Variants in AK4 observed in about 807,000 individuals in gnomAD.
The protein encoded by AK4 is adenylate kinase 4, also known as adenylate kinase 4, mitochondrial.
Under a neutral mutation model 24.6 loss-of-function variants are expected in AK4, and 13 were observed. That is an observed-to-expected ratio of 0.53 (90% CI 0.34 to 0.84). The LOEUF is 0.84. Ranked by LOEUF, AK4 falls within the 40% of genes least tolerant of loss-of-function variation. The pLI is 0.01. For synonymous variants in AK4, 88 were observed against 107.0 expected, an observed-to-expected ratio of 0.82 and a Z score of 1.10; for missense variants, 192 against 288.2, an observed-to-expected ratio of 0.67 and a Z score of 2.42.
intron 1 of AK4, among the ~76,000 whole-genome samples, chr1:65,172,333 T>G (rs1363493078): frequency 6.6e-6 from 1 of 151,850 alleles, no homozygotes; most frequent in African/African-American, 2.4e-5. Flanking sequence ...GATTCTTGTC[T>G]CGAATATGTC....
At position 65,148,225 on chromosome 1, in the gene AK4, G is replaced by C; in HGVS notation, c.-183G>C. ...CTCAGTCCGCCTGCTACTCGGTCCC[G>C]GCGCTGGGCTGAGGGGAGGGGTTGT... On this transcript the variant is annotated 5_prime_UTR_variant, in exon 1 of 5. Transcript: ENST00000327299. 1 of 1,229,312 alleles carries C rather than the reference G, an allele frequency of 8.1e-7. No individual in the cohort carries two copies. The highest frequency in any genetic ancestry group is 1.1e-6 in the Non-Finnish European group (1 of 922,178). The allele number at this position is 1,229,312 out of a possible 1,614,324, so 76.2% of individuals were successfully genotyped here. A position where few individuals can be genotyped will look rare whatever the true frequency, so the allele number is the denominator to read the frequency against.
intron 1 of AK4, among the ~76,000 whole-genome samples, chr1:65,159,686 T>C (rs1010930350): frequency 2.0e-5 from 3 of 149,458 alleles, no homozygotes; most frequent in Non-Finnish European, 4.4e-5. Flanking sequence ...AGAAAAAAAG[T>C]TGGCCGGGCG....
At chr1:65,167,473 T>C (rs1236636958) in intron 1 of AK4, among the ~76,000 whole-genome samples, 2 of 151,146 alleles carry the variant, frequency 1.3e-5, no homozygotes, top group Non-Finnish European at 2.9e-5. Context: ...TTTTTTTTTT[T>C]ACACTTGTAT....
intron 1 of AK4, among the ~76,000 whole-genome samples, chr1:65,151,044 C>T (rs1649755180): frequency 6.6e-6 from 1 of 152,126 alleles, no homozygotes; most frequent in African/African-American, 2.4e-5. Context: ...ACCTCTGCCT[C>T]CCGGGTTCAA....
intron 1 of AK4, among the ~76,000 whole-genome samples, chr1:65,150,735 C>G (rs1649743693): frequency 6.6e-6 from 1 of 152,130 alleles, no homozygotes; most frequent in Admixed American, 6.5e-5. Flanking sequence ...CGATGAAGCA[C>G]AACAAAAACC....
chr1:65,172,086 TA>T (rs1650550349), intron 1 of AK4, among the ~76,000 whole-genome samples: 6 of 116,918 alleles, frequency 5.1e-5, no homozygotes, highest in South Asian at 3.0e-4. Context: ...TATATATATA[TA>T]TATATATATA....
intron 2 of AK4, among the ~76,000 whole-genome samples, chr1:65,191,352 G>T (rs1279267525): frequency 6.6e-6 from 1 of 152,094 alleles, no homozygotes; most frequent in East Asian, 1.9e-4. Flanking sequence ...ATGCAAGGAG[G>T]TTTATTTCAG....
chr1:65,204,569 A>G (rs1304271794), intron 2 of AK4, among the ~76,000 whole-genome samples: 1 of 152,236 alleles, frequency 6.6e-6, no homozygotes, highest in Non-Finnish European at 1.5e-5. Context: ...GGAGCTTCAG[A>G]TAAATCTTTG....
intron 2 of AK4, among the ~76,000 whole-genome samples, chr1:65,192,691 C>T (rs983112976): frequency 2.8e-4 from 43 of 152,176 alleles, no homozygotes; most frequent in African/African-American, 9.9e-4. Context: ...AGCTGTGAGC[C>T]TGTGAAATCA....
upstream of AK4, chr1:65,147,783 C>G (rs931099212): frequency 6.6e-6 from 1 of 151,468 alleles, no homozygotes; most frequent in Non-Finnish European, 1.5e-5. Flanking sequence ...TCCGAGCGCG[C>G]GCGGGCGGCG....
chr1:65,202,750 T>C lies in AK4; in HGVS notation c.265+11921T>C, dbSNP rs549503265. ...TAATTGCTAATTTAATAATAATTAT[T>C]GTGCACTTACAATGCACAAACCATG... On this transcript the variant is annotated intron_variant, in intron 2 of 4. Transcript: ENST00000327299. 8.5e-5 allele frequency among the ~76,000 whole-genome samples: 13 copies of C among 152,292 alleles called. No homozygotes were observed. In the South Asian group the frequency reaches 2.7e-3, roughly 32 times the overall value.
chr1:65,181,145 A>ATGTGTGGG (rs201364378), intron 1 of AK4, among the ~76,000 whole-genome samples: 3,024 of 150,068 alleles, frequency 0.02, 47 homozygotes, highest in Non-Finnish European at 0.032. Context: ...GAGGATACAG[A>ATGTGTGGG]TGTGTGGGTG....
chr1:65,161,691 T>C (rs1004328308), intron 1 of AK4, among the ~76,000 whole-genome samples: 3 of 152,232 alleles, frequency 2.0e-5, no homozygotes, highest in Admixed American at 6.5e-5. Flanking sequence ...TGTTGCCATT[T>C]GAATAGTAAT....
intron 1 of AK4, among the ~76,000 whole-genome samples, chr1:65,161,338 C>G (rs1285602077): frequency 3.3e-5 from 5 of 152,134 alleles, no homozygotes; most frequent in Non-Finnish European, 7.4e-5. Flanking sequence ...AAAACTTGTT[C>G]TCTGTCTTTG....
intron 1 of AK4, among the ~76,000 whole-genome samples, chr1:65,187,031 A>C (rs1651121694): frequency 6.6e-6 from 1 of 152,172 alleles, no homozygotes; most frequent in Non-Finnish European, 1.5e-5. Context: ...AGTGAAAGAA[A>C]ACAGTCACAG....
At chr1:65,225,324 G>T (rs1652420042) in intron 4 of AK4, among the ~76,000 whole-genome samples, 1 of 152,180 alleles carries the variant, frequency 6.6e-6, no homozygotes, top group Admixed American at 6.5e-5. Context: ...TCAAATGGCT[G>T]CAGGGGCTAG....
At chr1:65,224,916 G>C (rs1406111238) in intron 4 of AK4, 46 bp downstream of exon 4, 5 of 1,483,892 alleles carry the variant, frequency 3.4e-6, no homozygotes, top group African/African-American at 2.8e-5. Context: ...GACTGGAAAG[G>C]TGTGGAGCCT....
chr1:65,168,210 C>G (rs754663586), intron 1 of AK4, among the ~76,000 whole-genome samples: 9 of 142,830 alleles, frequency 6.3e-5, no homozygotes, highest in Non-Finnish European at 1.2e-4. Flanking sequence ...TGCAATGGTG[C>G]GACCTCAGCT....
chr1:65,161,728 T>C (rs1042829058), intron 1 of AK4, among the ~76,000 whole-genome samples: 1 of 152,200 alleles, frequency 6.6e-6, no homozygotes, highest in African/African-American at 2.4e-5. Context: ...TCAGTTCAAC[T>C]AATGTTTTAA....
Sources: gnomAD v4.1 joint callset for allele counts (sites outside exome capture counted in the v4.1 genomes callset) on GRCh38, gnomAD v4.1.1 for gene constraint, MANE v1.5 for transcripts, NCBI Gene and HGNC (gene_info 2026-07-23, HGNC 2026-07-21) for gene names.